The following WARS2 variants were observed in gnomAD, a reference collection of about 807,000 sequenced individuals.
WARS2 encodes tryptophanyl tRNA synthetase 2, mitochondrial, also known as tryptophan--tRNA ligase, mitochondrial.
In WARS2, 28 loss-of-function variants were observed where a neutral mutation model predicts 36.5. That is an observed-to-expected ratio of 0.77 (90% CI 0.57 to 1.05). WARS2 has a LOEUF of 1.05. WARS2 is among the 50% of genes least tolerant of loss of function. The pLI is 0.00. For missense variants in WARS2, 435 were observed against 456.8 expected (o/e 0.95, Z 0.44); for synonymous variants, 174 against 178.4 (o/e 0.98, Z 0.20).
At chr1:119,096,450 CTGATTT>C (rs1382200071) in intron 1 of WARS2, among the ~76,000 whole-genome samples, 7 of 152,190 alleles carry the variant, frequency 4.6e-5, no homozygotes, top group African/African-American at 1.4e-4. Flanking sequence ...ACTTTCAATT[CTGATTT>C]TATTTTTATA....
intron 1 of WARS2, chr1:119,085,285 T>C (rs1652544544): frequency 9.6e-7 from 1 of 1,045,190 alleles, no homozygotes; most frequent in Non-Finnish European, 1.5e-6. Flanking sequence ...TAGGCAGTCC[T>C]GGCCTTGGGG....
chr1:119,114,513 T>C (rs587681062), intron 1 of WARS2, among the ~76,000 whole-genome samples: 2 of 152,266 alleles, frequency 1.3e-5, no homozygotes, highest in African/African-American at 4.8e-5. Flanking sequence ...TGGAGCAGAA[T>C]ATAATAACTT....
At chr1:119,051,762 A>ATTTTTTTT (rs527937756) in intron 2 of WARS2, among the ~76,000 whole-genome samples, 2 of 114,314 alleles carry the variant, frequency 1.7e-5, no homozygotes, top group Non-Finnish European at 1.8e-5. Flanking sequence ...TCTCGCTGTA[A>ATTTTTTTT]TTTTTTTTTT....
Position 119,054,206 on chromosome 1 carries a change from C to T in WARS2, c.349-8544G>A, listed in dbSNP as rs150380567. On this transcript the variant is annotated intron_variant, in intron 2 of 5. Coordinates refer to ENST00000235521, the MANE Select transcript of WARS2 (RefSeq NM_015836.4). ...AATCAACAGCAAAAACAAAACTAAACATCAACTCGATTGAAAAATGGGCAA... is the reference window on the plus strand; with the variant it reads ...AATCAACAGCAAAAACAAAACTAAATATCAACTCGATTGAAAAATGGGCAA... Among the ~76,000 whole-genome samples the T allele has an allele frequency of 9.0e-3, 1,364 of 151,524 alleles. 27 individuals carry two copies. Among genetic ancestry groups the T allele is most frequent in the African/African-American group, 0.031 (1,283 of 41,328 alleles).
chr1:119,096,699 T>C lies in WARS2; in HGVS notation c.91-20092A>G, dbSNP rs187246832. Among the ~76,000 whole-genome samples, 668 of 152,298 alleles carry C rather than the reference T, an allele frequency of 4.4e-3. 3 individuals are homozygous for C. Among genetic ancestry groups the C allele is most frequent in the Non-Finnish European group, 5.7e-3 (389 of 68,022 alleles). ...ATTTTAGTAGATAAAATAATTAGCA[T>C]GAATAGAATATGGCTTTTTATACTA... On this transcript the variant is annotated intron_variant, in intron 1 of 5. Coordinates refer to ENST00000235521, the MANE Select transcript of WARS2 (RefSeq NM_015836.4).
At chr1:119,075,518 T>C (rs1026738564) in intron 2 of WARS2, among the ~76,000 whole-genome samples, 3 of 152,196 alleles carry the variant, frequency 2.0e-5, no homozygotes, top group African/African-American at 7.2e-5. Context: ...AAGTTTTATG[T>C]ATAACAAAAC....
chr1:119,050,100 C>A (rs1254069870), intron 2 of WARS2, among the ~76,000 whole-genome samples: 1 of 152,170 alleles, frequency 6.6e-6, no homozygotes, highest in East Asian at 1.9e-4. Context: ...AACTCTGTAA[C>A]CTCTGTGATT....
At chr1:119,051,659 G>A (rs933335224) in intron 2 of WARS2, among the ~76,000 whole-genome samples, 1 of 151,914 alleles carries the variant, frequency 6.6e-6, no homozygotes, top group South Asian at 2.1e-4. Flanking sequence ...CCCGTCAACA[G>A]TGTATAAGTG....
chr1:119,070,424 C>A (rs905464298), intron 2 of WARS2, among the ~76,000 whole-genome samples: 46 of 151,968 alleles, frequency 3.0e-4, no homozygotes, highest in Non-Finnish European at 6.2e-4. Flanking sequence ...CGACACCACG[C>A]CTGGCTAATT....
chr1:119,077,621 G>A (rs1186555179), intron 1 of WARS2, among the ~76,000 whole-genome samples: 2 of 151,370 alleles, frequency 1.3e-5, no homozygotes, highest in African/African-American at 4.9e-5. Flanking sequence ...ATCATATTTG[G>A]GTTTTCAATT....
intron 1 of WARS2, among the ~76,000 whole-genome samples, chr1:119,119,434 T>C (rs1655196281): frequency 6.6e-6 from 1 of 151,964 alleles, no homozygotes; most frequent in Non-Finnish European, 1.5e-5. Context: ...TTACTACACC[T>C]AAGAAATGAG....
intron 1 of WARS2, among the ~76,000 whole-genome samples, chr1:119,116,640 T>A (rs1354873545): frequency 2.0e-5 from 3 of 152,100 alleles, no homozygotes; most frequent in Non-Finnish European, 4.4e-5. Context: ...CACGGGAGGA[T>A]TTAACCATAC....
intron 1 of WARS2, chr1:119,085,418 T>G (rs1652565819): frequency 1.4e-6 from 2 of 1,463,526 alleles, no homozygotes; most frequent in Admixed American, 3.8e-5. Context: ...AAGAGGATGG[T>G]TGCTCTGCCT....
intron 1 of WARS2, chr1:119,126,439 T>TG: frequency 2.7e-6 from 1 of 373,842 alleles, no homozygotes; most frequent in Non-Finnish European, 4.9e-6. Flanking sequence ...ATTAATTGAT[T>TG]GAATTCTCAC....
chr1:119,118,216 T>C (rs1450017284), intron 1 of WARS2, among the ~76,000 whole-genome samples: 4 of 151,902 alleles, frequency 2.6e-5, no homozygotes, highest in Non-Finnish European at 4.4e-5. Flanking sequence ...CCCAGTTAAA[T>C]AGATATGGTA....
At chr1:119,113,475 A>G (rs1197206927) in intron 1 of WARS2, among the ~76,000 whole-genome samples, 2 of 152,192 alleles carry the variant, frequency 1.3e-5, no homozygotes, top group East Asian at 3.8e-4. Flanking sequence ...GCTCACTCAG[A>G]TAGCAGATTC....
intron 1 of WARS2, chr1:119,139,809 G>C (rs1361585937): frequency 6.6e-6 from 1 of 152,132 alleles, no homozygotes; most frequent in Non-Finnish European, 1.5e-5. Context: ...GAAGACGTTT[G>C]GTAAAATCCT....
intron 1 of WARS2, among the ~76,000 whole-genome samples, chr1:119,081,164 T>C (rs1338478450): frequency 6.6e-6 from 1 of 152,200 alleles, no homozygotes. Flanking sequence ...TTGACAGACA[T>C]AGCTGAAACT....
At chr1:119,062,682 G>A (rs972376134) in intron 2 of WARS2, among the ~76,000 whole-genome samples, 7 of 152,060 alleles carry the variant, frequency 4.6e-5, no homozygotes, top group Non-Finnish European at 7.4e-5. Context: ...TCTCATGATC[G>A]TGAATAAGTC....
Sources: allele counts gnomAD v4.1 joint callset (sites outside exome capture counted in the v4.1 genomes callset), GRCh38; gene constraint gnomAD v4.1.1; transcripts MANE v1.5; gene names NCBI Gene and HGNC (gene_info 2026-07-23, HGNC 2026-07-21).